The following DLGAP1 variants were observed in gnomAD, a reference collection of about 807,000 sequenced individuals.
DLGAP1 encodes the protein DLG associated protein 1.
DLGAP1 carries 11 observed loss-of-function variants against 90.8 expected under a neutral mutation model. The ratio of observed to expected loss-of-function variants is 0.12; its 90% confidence interval spans 0.08 to 0.20. The LOEUF (loss-of-function observed/expected upper bound fraction) is 0.20. Among genes scored for constraint, DLGAP1 ranks in the 10% least tolerant of loss-of-function variants. DLGAP1 has a pLI of 1.00. For missense variants in DLGAP1, 1,050 were observed against 1,333.8 expected, an observed-to-expected ratio of 0.79 and a Z score of 3.31; for synonymous variants, 558 against 540.7, an observed-to-expected ratio of 1.03 and a Z score of -0.44.
chr18:4,283,975 T>G (rs1598809523), intron 1 of DLGAP1, among the ~76,000 whole-genome samples: 1 of 152,064 alleles, frequency 6.6e-6, no homozygotes, highest in East Asian at 1.9e-4. Flanking sequence ...AAACAGATGA[T>G]TCTTTCCCCA....
intron 2 of DLGAP1, among the ~76,000 whole-genome samples, chr18:4,122,936 T>C (rs183455737): frequency 7.9e-4 from 120 of 152,312 alleles, no homozygotes; most frequent in African/African-American, 2.8e-3. Flanking sequence ...TTGGGGGATT[T>C]CTTGCCTACA....
At chr18:4,126,095 G>A (rs1389694057) in intron 2 of DLGAP1, among the ~76,000 whole-genome samples, 1 of 152,192 alleles carries the variant, frequency 6.6e-6, no homozygotes, top group Non-Finnish European at 1.5e-5. Flanking sequence ...CTTGCAATTT[G>A]AAGCACCTGG....
At chr18:4,001,598 T>C (rs2074187124) in intron 3 of DLGAP1, among the ~76,000 whole-genome samples, 1 of 152,190 alleles carries the variant, frequency 6.6e-6, no homozygotes, top group Non-Finnish European at 1.5e-5. Flanking sequence ...TGTTTACAAG[T>C]ATGTATCTGC....
chr18:4,021,063 C>A (rs1240518463), intron 2 of DLGAP1, among the ~76,000 whole-genome samples: 1 of 152,140 alleles, frequency 6.6e-6, no homozygotes, highest in Non-Finnish European at 1.5e-5. Flanking sequence ...ATCAGCACTC[C>A]CCACTTCCTG....
chr18:3,506,849 T>C (rs1307732541), intron 11 of DLGAP1, among the ~76,000 whole-genome samples: 1 of 151,794 alleles, frequency 6.6e-6, no homozygotes, highest in Non-Finnish European at 1.5e-5. Flanking sequence ...TTAACAGGAG[T>C]TCTGTACCTG....
intron 6 of DLGAP1, among the ~76,000 whole-genome samples, chr18:3,735,063 T>G (rs2062584306): frequency 6.6e-6 from 1 of 152,200 alleles, no homozygotes; most frequent in South Asian, 2.1e-4. Flanking sequence ...TTAGATGTAG[T>G]TTTTACATGG....
chr18:3,686,599 T>C lies in DLGAP1; in HGVS notation c.1591+42536A>G, dbSNP rs562143437. On this transcript the variant is annotated intron_variant, in intron 7 of 12. Transcript: ENST00000315677. ...TCTTTTGTCTTGTGCATTTTCACTA[T>C]TGAACAAGAGACTTTAGTTGCCCCA... 2.1e-4 allele frequency among the ~76,000 whole-genome samples: 32 copies of C among 151,086 alleles called. No homozygotes were observed. The South Asian group carries it at 6.6e-3, about 31-fold the overall frequency.
At chr18:4,247,280 A>G (rs1303486297) in intron 1 of DLGAP1, among the ~76,000 whole-genome samples, 2 of 152,208 alleles carry the variant, frequency 1.3e-5, no homozygotes, top group Non-Finnish European at 2.9e-5. Context: ...CAGCTATATT[A>G]GACATTATAC....
intron 1 of DLGAP1, among the ~76,000 whole-genome samples, chr18:4,366,255 T>C (rs1453919983): frequency 6.6e-6 from 1 of 152,092 alleles, no homozygotes; most frequent in Non-Finnish European, 1.5e-5. Flanking sequence ...TAGGTGTAAA[T>C]AAATCTATGT....
intron 3 of DLGAP1, among the ~76,000 whole-genome samples, chr18:3,950,774 A>AT (rs1182834069): frequency 2.0e-5 from 3 of 152,128 alleles, no homozygotes; most frequent in African/African-American, 4.8e-5. Flanking sequence ...AGATTATCTG[A>AT]TTTTTTACCA....
intron 2 of DLGAP1, among the ~76,000 whole-genome samples, chr18:4,138,349 GC>G (rs2144281841): frequency 6.6e-6 from 1 of 151,944 alleles, no homozygotes; most frequent in African/African-American, 2.4e-5. Flanking sequence ...TTTATCAAAA[GC>G]TTTTTCAGCA....
At chr18:4,085,807 T>C (rs928413094) in intron 2 of DLGAP1, among the ~76,000 whole-genome samples, 7 of 152,230 alleles carry the variant, frequency 4.6e-5, no homozygotes, top group Admixed American at 4.6e-4. Flanking sequence ...TCTGAAGTTA[T>C]AGTTCTGCTG....
At chr18:4,440,294 G>T (rs2083503010) in intron 1 of DLGAP1, among the ~76,000 whole-genome samples, 1 of 151,980 alleles carries the variant, frequency 6.6e-6, no homozygotes, top group African/African-American at 2.4e-5. Context: ...ATTGTGATGT[G>T]ATGTACTCAA....
chr18:3,866,435 C>A (rs1469074716), intron 4 of DLGAP1, among the ~76,000 whole-genome samples: 1 of 152,078 alleles, frequency 6.6e-6, no homozygotes, highest in Non-Finnish European at 1.5e-5. Context: ...AAGGAATGGG[C>A]AGTAGTTTTC....
At chr18:3,808,306 A>G (rs974840882) in intron 5 of DLGAP1, among the ~76,000 whole-genome samples, 3 of 151,374 alleles carry the variant, frequency 2.0e-5, no homozygotes, top group African/African-American at 7.3e-5. Flanking sequence ...AGAAGAAAGT[A>G]TTATAGTCAG....
intron 10 of DLGAP1, among the ~76,000 whole-genome samples, chr18:3,509,883 C>T (rs1471809764): frequency 2.6e-5 from 4 of 152,170 alleles, no homozygotes; most frequent in Non-Finnish European, 5.9e-5. Flanking sequence ...AGTATTTCAG[C>T]GTTCCCACAA....
chr18:4,067,078 G>A (rs550085698), intron 2 of DLGAP1, among the ~76,000 whole-genome samples: 9 of 152,240 alleles, frequency 5.9e-5, no homozygotes, highest in African/African-American at 1.7e-4. Context: ...CATAGGAAGA[G>A]AAAACCAAAT....
At chr18:3,634,664 C>A (rs1196439928) in intron 7 of DLGAP1, among the ~76,000 whole-genome samples, 2 of 152,156 alleles carry the variant, frequency 1.3e-5, no homozygotes, top group African/African-American at 2.4e-5. Flanking sequence ...CAAACTGGTT[C>A]ATGGATTATT....
intron 9 of DLGAP1, among the ~76,000 whole-genome samples, chr18:3,538,019 C>G (rs2052473457): frequency 6.6e-6 from 1 of 152,124 alleles, no homozygotes; most frequent in Non-Finnish European, 1.5e-5. Context: ...GGACTATGCT[C>G]TTGAAGCCAA....
Sources: allele counts gnomAD v4.1 joint callset (sites outside exome capture counted in the v4.1 genomes callset), GRCh38; gene constraint gnomAD v4.1.1; transcripts MANE v1.5; gene names NCBI Gene and HGNC (gene_info 2026-07-23, HGNC 2026-07-21).